The following ABCB1 variants were observed in gnomAD, a reference collection of about 807,000 sequenced individuals.
ABCB1 encodes ATP-dependent translocase ABCB1.
A neutral mutation model predicts 142.0 loss-of-function variants in ABCB1; 69 were observed. The ratio of observed to expected loss-of-function variants is 0.49; its 90% CI spans 0.40 to 0.59. The LOEUF is 0.59. Among genes scored for constraint, ABCB1 ranks in the 20% least tolerant of loss-of-function variants. ABCB1 has a pLI of 0.00. For missense variants in ABCB1, 1,326 were observed against 1,554.7 expected (o/e 0.85, Z 2.47); for synonymous variants, 532 against 539.2 (o/e 0.99, Z 0.18).
At chr7:87,623,738 C>T (rs1295573923) in intron 1 of ABCB1, among the ~76,000 whole-genome samples, 2 of 151,910 alleles carry the variant, frequency 1.3e-5, no homozygotes, top group Non-Finnish European at 2.9e-5. Context: ...TCTTCATGCT[C>T]GCTTCTGATA....
At chr7:87,566,045 A>T in intron 7 of ABCB1, 25 bp downstream of exon 7, 2 of 1,614,010 alleles carry the variant, frequency 1.2e-6, no homozygotes, top group Non-Finnish European at 1.7e-6. Context: ...GCAGTTCAAA[A>T]TCTGGATTCA....
At chr7:87,555,987 G>C (rs1817290872) in intron 8 of ABCB1, among the ~76,000 whole-genome samples, 1 of 152,128 alleles carries the variant, frequency 6.6e-6, no homozygotes, top group Admixed American at 6.5e-5. Flanking sequence ...CATCAGAAAG[G>C]AGAAATAAAG....
rs144091943 is a variant in ABCB1 at position 87,538,588 on chromosome 7, G to A, written c.2397+680C>T. ...CAAGTGATTAGTGATTTTTAAAACG[G>A]AAAGTTATTAGGTCACATACAAAAT... On this transcript the variant is annotated intron_variant, in intron 19 of 27. Coordinates refer to ENST00000622132, the MANE Select transcript of ABCB1 (RefSeq NM_001348946.2). Among the ~76,000 whole-genome samples, 209 of 152,214 alleles carry A rather than the reference G, an allele frequency of 1.4e-3. 1 individual carries two copies. In the Middle Eastern group the frequency reaches 0.02, roughly 15 times the overall value.
chr7:87,652,158 ACT>A (rs1243021205), intron 1 of ABCB1, among the ~76,000 whole-genome samples: 1 of 152,058 alleles, frequency 6.6e-6, no homozygotes, highest in Non-Finnish European at 1.5e-5. Flanking sequence ...AATAGAATAG[ACT>A]CTGATGTACC....
intron 18 of ABCB1, 103 bp from the exon 19 acceptor site, chr7:87,539,448 A>G: frequency 8.5e-7 from 1 of 1,176,308 alleles, no homozygotes; most frequent in Non-Finnish European, 1.3e-6. Flanking sequence ...AAAGTCAGAA[A>G]GCCTGATTTC....
chr7:87,580,096 T>C (rs1818447185), intron 4 of ABCB1, among the ~76,000 whole-genome samples: 1 of 152,180 alleles, frequency 6.6e-6, no homozygotes, highest in African/African-American at 2.4e-5. Flanking sequence ...ACAATTACAG[T>C]GTTGTAATAT....
intron 1 of ABCB1, among the ~76,000 whole-genome samples, chr7:87,675,868 A>T (rs1563124627): frequency 6.6e-6 from 1 of 152,150 alleles, no homozygotes; most frequent in Non-Finnish European, 1.5e-5. Flanking sequence ...TTTTGGACTT[A>T]ACACCCAAAG....
At chr7:87,583,419 C>A (rs182605680) in intron 4 of ABCB1, among the ~76,000 whole-genome samples, 120 of 152,266 alleles carry the variant, frequency 7.9e-4, no homozygotes, top group Non-Finnish European at 7.1e-4. Flanking sequence ...CAAAAGTAAA[C>A]TTTCAAATAT....
intron 1 of ABCB1, among the ~76,000 whole-genome samples, chr7:87,704,284 G>A (rs1332091028): frequency 6.6e-6 from 1 of 152,024 alleles, no homozygotes; most frequent in Non-Finnish European, 1.5e-5. Context: ...TTTGGCTAAG[G>A]TTTAGGCTAA....
chr7:87,584,969 A>C (rs899386931), intron 4 of ABCB1, among the ~76,000 whole-genome samples: 3 of 149,766 alleles, frequency 2.0e-5, no homozygotes, highest in African/African-American at 7.5e-5. Context: ...ACACACACAC[A>C]CACAATTTTG....
chr7:87,677,427 C>T (rs1445173021), intron 1 of ABCB1, among the ~76,000 whole-genome samples: 2 of 150,366 alleles, frequency 1.3e-5, no homozygotes, highest in Non-Finnish European at 3.0e-5. Flanking sequence ...CACAGAAAGA[C>T]AAATACCACG....
chr7:87,667,894 T>C (rs1825425713), intron 1 of ABCB1, among the ~76,000 whole-genome samples: 1 of 152,128 alleles, frequency 6.6e-6, no homozygotes, highest in Admixed American at 6.6e-5. Context: ...TTCCAGTATT[T>C]TGTTGAGGAT....
intron 21 of ABCB1, among the ~76,000 whole-genome samples, chr7:87,524,741 T>TA (rs1301902699): frequency 3.5e-5 from 5 of 142,322 alleles, no homozygotes; most frequent in African/African-American, 7.8e-5. Flanking sequence ...ATAATAAAAA[T>TA]AAAAAAATAA....
intron 1 of ABCB1, among the ~76,000 whole-genome samples, chr7:87,652,920 T>G (rs1823729068): frequency 6.6e-6 from 1 of 151,946 alleles, no homozygotes; most frequent in Admixed American, 6.6e-5. Context: ...CTACAACTAC[T>G]GGTTATTTTT....
chr7:87,527,711 A>G (rs1815845886), intron 21 of ABCB1, among the ~76,000 whole-genome samples: 1 of 152,150 alleles, frequency 6.6e-6, no homozygotes, highest in South Asian at 2.1e-4. Context: ...TTTACTGGAG[A>G]GATGAACTGC....
chr7:87,534,456 A>G (rs904090960), intron 20 of ABCB1, among the ~76,000 whole-genome samples: 4 of 152,178 alleles, frequency 2.6e-5, no homozygotes, highest in Admixed American at 2.0e-4. Flanking sequence ...TTATTTAGTA[A>G]ACCAATTATA....
chr7:87,551,220 G>A (rs765021232), intron 9 of ABCB1, among the ~76,000 whole-genome samples: 22 of 151,694 alleles, frequency 1.5e-4, no homozygotes, highest in Non-Finnish European at 1.8e-4. Context: ...ACAGGGTCTC[G>A]CTACGTGTCC....
chr7:87,511,513 A>G (rs1424384434), intron 25 of ABCB1, among the ~76,000 whole-genome samples: 1 of 152,238 alleles, frequency 6.6e-6, no homozygotes, highest in Non-Finnish European at 1.5e-5. Context: ...GATTTTTAAA[A>G]ATCAAGCACT....
intron 13 of ABCB1, among the ~76,000 whole-genome samples, 160 bp downstream of exon 13, chr7:87,549,691 C>G (rs1394980361): frequency 1.3e-5 from 2 of 152,190 alleles, no homozygotes; most frequent in African/African-American, 4.8e-5. Context: ...GTATCTACGA[C>G]CAGTTGATAC....
Sources: gnomAD v4.1 joint callset for allele counts (sites outside exome capture counted in the v4.1 genomes callset) on GRCh38, gnomAD v4.1.1 for gene constraint, MANE v1.5 for transcripts, NCBI Gene and HGNC (gene_info 2026-07-23, HGNC 2026-07-21) for gene names.